ADD2: variants seen among roughly 807,000 people sequenced by gnomAD.
ADD2 encodes the protein adducin 2, also known as beta-adducin.
ADD2 carries 23 observed loss-of-function variants against 83.0 expected under a neutral mutation model. That is an observed-to-expected ratio of 0.28 (90% CI 0.20 to 0.39). The LOEUF (loss-of-function observed/expected upper bound fraction) is 0.39, where lower values mean the gene tolerates loss of function less well. Ranked by LOEUF, ADD2 falls within the 10% of genes least tolerant of loss-of-function variation. The probability of loss-of-function intolerance (pLI) is 1.00; values close to 1 mark genes in which losing one functional copy is unlikely to be tolerated. For synonymous variants in ADD2, 375 were observed against 375.4 expected (o/e 1.00, Z 0.01); for missense variants, 758 against 944.9 (o/e 0.80, Z 2.59).
chr2:70,742,256 T>G (rs1553381239), intron 1 of ADD2, among the ~76,000 whole-genome samples: 1 of 152,200 alleles, frequency 6.6e-6, no homozygotes, highest in Non-Finnish European at 1.5e-5. Flanking sequence ...TCTGAGCTAG[T>G]TATTTTTTAG....
intron 4 of ADD2, 47 bp from the exon 5 acceptor site, chr2:70,696,443 C>G (rs782185634): frequency 2.5e-6 from 4 of 1,608,632 alleles, no homozygotes; most frequent in Non-Finnish European, 2.5e-6. Flanking sequence ...CATCTGCCCT[C>G]CCCTTCCTTG....
intron 14 of ADD2, chr2:70,673,289 G>A (rs372132402): frequency 5.6e-6 from 9 of 1,613,966 alleles, no homozygotes; most frequent in African/African-American, 4.0e-5. Flanking sequence ...ACTCGCACAC[G>A]GCCGGACCAG....
intron 10 of ADD2, among the ~76,000 whole-genome samples, chr2:70,683,093 G>T (rs1553369847): frequency 1.3e-5 from 2 of 150,716 alleles, no homozygotes; most frequent in African/African-American, 4.9e-5. Flanking sequence ...CACAATGTCG[G>T]CTCACTGCAA....
In ADD2 at chr2:70,657,995, A is replaced by G. The variant is rs1484538170; in HGVS notation, c.*5430T>C. 1 of 152,176 alleles carries G rather than the reference A, an allele frequency of 6.6e-6. No homozygotes were observed. Among genetic ancestry groups the G allele is most frequent in the Non-Finnish European group, 1.5e-5 (1 of 68,052 alleles). The allele number at this position is 152,176 out of a possible 1,614,324, so 9.4% of individuals were successfully genotyped here. ...CCCAATTTCCCATAGCAATGACCCA[A>G]CTTTTGGGAAAATCTAGAAGGTAAG... On this transcript the variant is annotated 3_prime_UTR_variant, in exon 16 of 16. Transcript: ENST00000264436.
chr2:70,701,930 A>T (rs1671604320), intron 4 of ADD2, among the ~76,000 whole-genome samples: 1 of 152,146 alleles, frequency 6.6e-6, no homozygotes, highest in Non-Finnish European at 1.5e-5. Context: ...TTTACAATTC[A>T]CTCATGTAAA....
At chr2:70,757,712 G>A (rs1194266008) in intron 1 of ADD2, among the ~76,000 whole-genome samples, 2 of 152,068 alleles carry the variant, frequency 1.3e-5, no homozygotes, top group Non-Finnish European at 1.5e-5. Flanking sequence ...GTCTTTTCAC[G>A]GTAGATTTTT....
At position 70,672,969 on chromosome 2, in the gene ADD2, A is replaced by C. The variant is rs372724631; in HGVS notation, c.1779T>G (p.Pro593=). The change falls in exon 15 of 16, where the codon CCT becomes CCG. Residue 593 remains proline (P), a synonymous_variant. Coordinates refer to ENST00000264436, the MANE Select transcript of ADD2 (RefSeq NM_001617.4). Reference sequence around the variant, plus strand: ...CTGGAGAAGCAGGTGCAGACTTTGCAGGTGAGCCAGGCTCTTCTGGGGCAG... The same window carrying C: ...CTGGAGAAGCAGGTGCAGACTTTGCCGGTGAGCCAGGCTCTTCTGGGGCAG... The part of the protein sequence containing the change: ...KETAPEEPGS[P]AKSAPASPVQ... 3 of 1,613,778 alleles carry C rather than the reference A, an allele frequency of 1.9e-6. No homozygotes were observed. Among genetic ancestry groups the C allele is most frequent in the Non-Finnish European group, 2.5e-6 (3 of 1,179,972 alleles).
Position 70,674,679 on chromosome 2 carries a change from A to G in ADD2, c.1740T>C (p.Asp580=). 1.9e-6 allele frequency: 3 copies of G among 1,613,382 alleles called. No homozygotes were observed. Among genetic ancestry groups the G allele is most frequent in the Non-Finnish European group, 1.7e-6 (2 of 1,179,670 alleles). ...AGGGTGTGCCTCAGGGTCATTTACC[A>G]TCAAGTTCTAGTTTCTTCCTCTCCA... is the stretch of plus-strand genomic sequence containing the variant. ...KEVERKKLEL[D]GEKETAPEEP... The change falls in exon 14 of 16, where the codon GAT becomes GAC. Residue 580 remains aspartate, a splice_region_variant and synonymous_variant. Coordinates refer to ENST00000264436, the MANE Select transcript of ADD2 (RefSeq NM_001617.4).
intron 1 of ADD2, among the ~76,000 whole-genome samples, chr2:70,757,016 C>T (rs1235580022): frequency 1.3e-5 from 2 of 152,138 alleles, no homozygotes; most frequent in African/African-American, 4.8e-5. Flanking sequence ...TCAGTAGAGA[C>T]AGGGTTTCAC....
chr2:70,672,836 G>A (rs1217195145), intron 15 of ADD2, 42 bp downstream of exon 15: 27 of 1,568,636 alleles, frequency 1.7e-5, no homozygotes, highest in Non-Finnish European at 2.2e-5. Context: ...GCCTGCAGAT[G>A]CACCCCTCTC....
chr2:70,709,772 A>C (rs936188850), intron 2 of ADD2, among the ~76,000 whole-genome samples: 9 of 152,246 alleles, frequency 5.9e-5, no homozygotes, highest in African/African-American at 2.2e-4. Context: ...GTCAGATGCC[A>C]AAAGAGAAAC....
At position 70,687,937 on chromosome 2, in the gene ADD2, A is replaced by C. The variant is rs1174162581; in HGVS notation, c.948+87T>G. 7 of 950,050 alleles carry C rather than the reference A, an allele frequency of 7.4e-6. No individual in the cohort carries two copies. The African/African-American group carries it at 8.2e-5, about 11-fold the overall frequency. The allele number at this position is 950,050 out of a possible 1,614,324, so 58.9% of individuals were successfully genotyped here. On this transcript the variant is annotated intron_variant, in intron 9 of 15. Transcript: ENST00000264436. ...ATGGCTGGGATCAAAAGACTCCCTG[A>C]ATCACAGCCAACAGGGTCACCACGT...
intron 1 of ADD2, among the ~76,000 whole-genome samples, chr2:70,751,450 A>T (rs1343479349): frequency 6.6e-6 from 1 of 152,266 alleles, no homozygotes; most frequent in Non-Finnish European, 1.5e-5. Flanking sequence ...TTGCCTTAGC[A>T]TATTAAAAGT....
At chr2:70,699,544 C>T (rs370338243) in intron 4 of ADD2, among the ~76,000 whole-genome samples, 14 of 152,262 alleles carry the variant, frequency 9.2e-5, no homozygotes, top group South Asian at 6.2e-4. Context: ...CTCTGGGAAG[C>T]GGATGCAGAA....
chr2:70,678,007 CTCT>C, intron 11 of ADD2, 130 bp from the exon 12 acceptor site: 2 of 1,242,360 alleles, frequency 1.6e-6, no homozygotes, highest in South Asian at 1.4e-5. Context: ...TAGACACTCT[CTCT>C]TCTTAGGCCT....
chr2:70,763,715 T>C (rs531393665), intron 1 of ADD2, among the ~76,000 whole-genome samples: 2 of 152,062 alleles, frequency 1.3e-5, no homozygotes, highest in East Asian at 3.9e-4. Context: ...ATTCTTATAA[T>C]ATCACCATGC....
chr2:70,728,186 C>T (rs530310385), intron 1 of ADD2, among the ~76,000 whole-genome samples: 34 of 152,292 alleles, frequency 2.2e-4, no homozygotes, highest in Admixed American at 1.8e-3. Context: ...CACTCTTGTC[C>T]GTCCCTGAGG....
At chr2:70,702,595 G>T (rs1211322038) in intron 4 of ADD2, among the ~76,000 whole-genome samples, 1 of 150,652 alleles carries the variant, frequency 6.6e-6, no homozygotes, top group Non-Finnish European at 1.5e-5. Context: ...ATCAAAAGCA[G>T]AACACACAAA....
chr2:70,711,939 T>G (rs1190304422), intron 2 of ADD2, among the ~76,000 whole-genome samples: 4 of 152,186 alleles, frequency 2.6e-5, no homozygotes. Flanking sequence ...GATGGTCATA[T>G]TGGTGACCTT....
Sources: allele counts gnomAD v4.1 joint callset (sites outside exome capture counted in the v4.1 genomes callset), GRCh38; gene constraint gnomAD v4.1.1; transcripts MANE v1.5; gene names NCBI Gene and HGNC (gene_info 2026-07-23, HGNC 2026-07-21).